Variants in PACSIN1 observed in about 807,000 individuals in gnomAD.
PACSIN1 encodes the protein protein kinase C and casein kinase substrate in neurons protein 1.
PACSIN1 carries 15 observed loss-of-function variants against 59.5 expected under a neutral mutation model. The ratio of observed to expected loss-of-function variants is 0.25; its 90% CI spans 0.17 to 0.39. The LOEUF is 0.39. Ranked by LOEUF, PACSIN1 falls within the 10% of genes least tolerant of loss-of-function variation. The probability of loss-of-function intolerance (pLI) is 1.00; values close to 1 mark genes in which losing one functional copy is unlikely to be tolerated. For synonymous variants in PACSIN1, 210 were observed against 220.6 expected, an observed-to-expected ratio of 0.95 and a Z score of 0.42; for missense variants, 420 against 580.2, an observed-to-expected ratio of 0.72 and a Z score of 2.84.
rs1043686158 is a variant in PACSIN1 at position 34,532,403 on chromosome 6, C to T, written c.1226-18C>T. ...GGCAGCCTTCTCTCTGAGCCCCTCC[C>T]TGTGTTCTCTTTCCCAGGAGACGAA... On this transcript the variant is annotated intron_variant, in intron 9 of 9. Transcript: ENST00000244458. This position sits in a 1 kb window ranked among gnomAD's most constrained non-coding sequence, Gnocchi z 5.2. The T allele has an allele frequency of 2.6e-6, 4 of 1,531,062 alleles. No homozygotes were observed. The highest frequency in any genetic ancestry group is 2.7e-6 in the Non-Finnish European group (3 of 1,126,696). The allele number at this position is 1,531,062 out of a possible 1,614,324, so 94.8% of individuals were successfully genotyped here. A position where few individuals can be genotyped will look rare whatever the true frequency, so the allele number is the denominator to read the frequency against.
chr6:34,529,620 G>T lies in PACSIN1; in HGVS notation c.613-46G>T. The T allele has an allele frequency of 6.2e-7, 1 of 1,612,304 alleles. No individual in the cohort carries two copies. Among genetic ancestry groups the T allele is most frequent in the Non-Finnish European group, 8.5e-7 (1 of 1,178,562 alleles). On this transcript the variant is annotated intron_variant, in intron 5 of 9. Transcript: ENST00000244458. The surrounding 1 kb of genome is among the most constrained non-coding windows in gnomAD (Gnocchi z 6.3). ...TTGCAGAGGGTGGTGGCTGGGAGCTGCAGGCCTGGCTAGGTGTCACCCTCT... is the reference window on the plus strand; with the variant it reads ...TTGCAGAGGGTGGTGGCTGGGAGCTTCAGGCCTGGCTAGGTGTCACCCTCT...
At chr6:34,485,586 G>A (rs1315161424) in intron 1 of PACSIN1, among the ~76,000 whole-genome samples, 1 of 152,210 alleles carries the variant, frequency 6.6e-6, no homozygotes, top group African/African-American at 2.4e-5. Flanking sequence ...GGGACATGTG[G>A]CCTGTCCCAT....
chr6:34,484,114 G>C (rs1766759510), intron 1 of PACSIN1, among the ~76,000 whole-genome samples: 1 of 152,148 alleles, frequency 6.6e-6, no homozygotes, highest in Non-Finnish European at 1.5e-5. Flanking sequence ...GTGCTCTTTA[G>C]GGTAGGCCTC....
At chr6:34,504,434 G>A (rs1437435972) in intron 1 of PACSIN1, among the ~76,000 whole-genome samples, 3 of 152,068 alleles carry the variant, frequency 2.0e-5, no homozygotes, top group East Asian at 3.9e-4. Context: ...AGGATTACAG[G>A]TGCCCAACAC....
intron 1 of PACSIN1, among the ~76,000 whole-genome samples, chr6:34,494,993 T>G (rs531105071): frequency 3.0e-4 from 46 of 152,212 alleles, no homozygotes; most frequent in African/African-American, 1.1e-3. Flanking sequence ...TTCAAGTCAT[T>G]TGGCTCAGTT....
At position 34,521,940 on chromosome 6, in the gene PACSIN1, T is replaced by C. The variant is rs1767399531; in HGVS notation, c.-63-4303T>C. Among the ~76,000 whole-genome samples the C allele has an allele frequency of 6.6e-6, 1 of 152,202 alleles. No homozygotes were observed. Reference sequence around the variant, plus strand: ...ATCCAGATTATTTGGCTCCAGAGTCTGGGATGTAATCCTACTCTGCGCTGC... The same window carrying C: ...ATCCAGATTATTTGGCTCCAGAGTCCGGGATGTAATCCTACTCTGCGCTGC... On this transcript the variant is annotated intron_variant, in intron 1 of 9. Coordinates refer to ENST00000244458, the MANE Select transcript of PACSIN1 (RefSeq NM_020804.5). The surrounding 1 kb of genome is among the most constrained non-coding windows in gnomAD (Gnocchi z 4.3).
chr6:34,520,523 C>A (rs1366274749), intron 1 of PACSIN1, among the ~76,000 whole-genome samples: 1 of 152,208 alleles, frequency 6.6e-6, no homozygotes, highest in Non-Finnish European at 1.5e-5. Context: ...GCTGTGTGAC[C>A]TTGGACAAGT....
chr6:34,473,446 G>T (rs1039237492), intron 1 of PACSIN1, among the ~76,000 whole-genome samples: 1 of 152,148 alleles, frequency 6.6e-6, no homozygotes, highest in Non-Finnish European at 1.5e-5. Flanking sequence ...GCCCAGGGCT[G>T]CTTCTCCTTG....
At chr6:34,504,268 GTGTATATA>G (rs1297723794) in intron 1 of PACSIN1, among the ~76,000 whole-genome samples, 46 of 96,898 alleles carry the variant, frequency 4.7e-4, no homozygotes, top group East Asian at 1.1e-3. Flanking sequence ...GTGTGTGTGT[GTGTATATA>G]TATATATATA....
In PACSIN1 at chr6:34,503,846, C is replaced by T. The variant is rs142850353; in HGVS notation, c.-63-22397C>T. The stretch of plus-strand genomic sequence containing the variant: ...CTTTACACCTGTGAATACTGCCACC[C>T]GGATCAGAATAGAAAATATTTCCAG... On this transcript the variant is annotated intron_variant, in intron 1 of 9. Coordinates refer to ENST00000244458, the MANE Select transcript of PACSIN1 (RefSeq NM_020804.5). Among the ~76,000 whole-genome samples, 4 of 152,280 alleles carry T rather than the reference C, an allele frequency of 2.6e-5. No individual in the cohort carries two copies. The East Asian group carries it at 5.8e-4, about 22-fold the overall frequency.
At chr6:34,485,340 G>T (rs998262684) in intron 1 of PACSIN1, among the ~76,000 whole-genome samples, 1 of 152,176 alleles carries the variant, frequency 6.6e-6, no homozygotes. Context: ...GGGTGAGGGT[G>T]GAAGCAGGAG....
At chr6:34,494,157 G>A (rs1279946177) in intron 1 of PACSIN1, among the ~76,000 whole-genome samples, 2 of 152,110 alleles carry the variant, frequency 1.3e-5, no homozygotes, top group Non-Finnish European at 2.9e-5. Context: ...AGTTTTATTG[G>A]CCTATCTTAC....
chr6:34,505,533 T>C (rs891761528), intron 1 of PACSIN1, among the ~76,000 whole-genome samples: 10 of 151,996 alleles, frequency 6.6e-5, no homozygotes, highest in Non-Finnish European at 1.3e-4. Flanking sequence ...CTTTCTTTTT[T>C]TTTTTTTCAA....
rs575111193 is a variant in PACSIN1 at position 34,533,457 on chromosome 6, G to T, written c.*927G>T. 6.6e-6 allele frequency: 1 copy of T among 152,438 alleles called. No homozygotes were observed. The highest frequency in any genetic ancestry group is 2.1e-4 in the South Asian group (1 of 4,830). 9.4% of individuals were successfully genotyped at this position (152,438 alleles called of 1,614,324 possible). ...AGTAGCAGCCTGCTCCCATTTGCTG[G>T]GGAGGAGATCATCTTGTTCCCCTGG... On this transcript the variant is annotated 3_prime_UTR_variant, in exon 10 of 10. Coordinates refer to ENST00000244458, the MANE Select transcript of PACSIN1 (RefSeq NM_020804.5).
chr6:34,528,511 G>T, intron 3 of PACSIN1, 131 bp from the exon 4 acceptor site: 1 of 714,802 alleles, frequency 1.4e-6, no homozygotes, highest in East Asian at 2.5e-5. Context: ...TAGAGGATGG[G>T]GCCACGTAGA....
rs1004846096 is a variant in PACSIN1, at chr6:34,528,557, G to C, written c.221-85G>C. On this transcript the variant is annotated intron_variant, in intron 3 of 9. Transcript: ENST00000244458. ...GCATTTCTGTTGCTATGAGAGGAAA[G>C]GGAAAGCCTCAGAGAAGGGAGATGT... 5.0e-6 allele frequency: 5 copies of C among 996,232 alleles called. No individual in the cohort carries two copies. The African/African-American group carries it at 7.9e-5, about 16-fold the overall frequency. 61.7% of individuals were successfully genotyped at this position (996,232 alleles called of 1,614,324 possible). A position where few individuals can be genotyped will look rare whatever the true frequency, so the allele number is the denominator to read the frequency against.
chr6:34,528,845 G>A lies in PACSIN1; in HGVS notation c.424G>A (p.Ala142Thr), dbSNP rs751508946. The A allele has an allele frequency of 5.7e-6, 8 of 1,398,298 alleles. No homozygotes were observed. In the South Asian group the frequency reaches 9.0e-5, roughly 16 times the overall value. The allele number at this position is 1,398,298 out of a possible 1,614,324, so 86.6% of individuals were successfully genotyped here. The change falls in exon 4 of 10, where the codon GCC (alanine) becomes ACC (threonine). Residue 142 changes from alanine to threonine, a missense_variant. Physicochemically the swap from Ala to Thr is moderately conservative, Grantham distance 58 (BLOSUM62 0). Coordinates refer to ENST00000244458, the MANE Select transcript of PACSIN1 (RefSeq NM_020804.5). The part of the protein sequence containing the change: ...TKEAEDGFRK[A>T]QKPWAKKMKE... ...GGAGGCTGAAGATGGCTTCCGCAAG[G>A]CCCAGAAGCCTTGGGCCAAGAAGAT...
chr6:34,526,963 C>A (rs1277938016), intron 2 of PACSIN1, among the ~76,000 whole-genome samples: 1 of 152,272 alleles, frequency 6.6e-6, no homozygotes, highest in Non-Finnish European at 1.5e-5. Flanking sequence ...CAACTCAACG[C>A]TTATATGACT....
chr6:34,526,680 C>T (rs1767489821), intron 2 of PACSIN1, among the ~76,000 whole-genome samples: 1 of 152,228 alleles, frequency 6.6e-6, no homozygotes, highest in Non-Finnish European at 1.5e-5. Context: ...CTCAGCTGTT[C>T]CTATTTCCCT....
Sources: gnomAD v4.1 joint callset for allele counts (sites outside exome capture counted in the v4.1 genomes callset) on GRCh38, gnomAD v4.1.1 for gene constraint, Gnocchi (gnomAD v3.1) non-coding constraint, MANE v1.5 for transcripts, NCBI Gene and HGNC (gene_info 2026-07-23, HGNC 2026-07-21) for gene names.